WDR49: variants seen among roughly 807,000 people sequenced by gnomAD.
WDR49 encodes WD repeat domain 49, also known as cilia- and flagella-associated protein 337.
In WDR49, 107 loss-of-function variants were observed where a neutral mutation model predicts 119.5. That is an observed-to-expected ratio of 0.90 (90% CI 0.77 to 1.05). WDR49 has a LOEUF of 1.05. WDR49 is among the 50% of genes least tolerant of loss of function. The probability of loss-of-function intolerance (pLI) is 0.00; values close to 1 mark genes in which losing one functional copy is unlikely to be tolerated. For missense variants in WDR49, 1,240 were observed against 1,220.5 expected, an observed-to-expected ratio of 1.02 and a Z score of -0.24; for synonymous variants, 425 against 418.8, an observed-to-expected ratio of 1.01 and a Z score of -0.18.
intron 16 of WDR49, among the ~76,000 whole-genome samples, chr3:167,513,851 A>G (rs547486105): frequency 6.6e-6 from 1 of 152,334 alleles, no homozygotes; most frequent in Admixed American, 6.5e-5. Flanking sequence ...ACAAAGATCA[A>G]AAAAGACAAA....
intron 7 of WDR49, among the ~76,000 whole-genome samples, chr3:167,600,411 G>C (rs1715705563): frequency 1.3e-5 from 2 of 152,184 alleles, no homozygotes; most frequent in Admixed American, 1.3e-4. Context: ...ATTGGAGACT[G>C]TATTTCCTAC....
intron 15 of WDR49, among the ~76,000 whole-genome samples, chr3:167,523,667 T>A (rs1187214703): frequency 2.0e-5 from 3 of 152,114 alleles, no homozygotes; most frequent in Admixed American, 6.6e-5. Flanking sequence ...TGTTCCTGTG[T>A]TAGTTTGCTG....
intron 16 of WDR49, among the ~76,000 whole-genome samples, chr3:167,511,251 A>G (rs548561581): frequency 1.3e-5 from 2 of 152,202 alleles, no homozygotes; most frequent in South Asian, 4.2e-4. Context: ...TTTCTATACT[A>G]TCTCATTATT....
intron 3 of WDR49, among the ~76,000 whole-genome samples, chr3:167,623,109 C>G (rs1299102023): frequency 6.6e-6 from 1 of 152,000 alleles, no homozygotes; most frequent in Non-Finnish European, 1.5e-5. Context: ...CCAAACGTTT[C>G]AAGGAAAATC....
At chr3:167,558,125 C>G (rs1205889722) in intron 9 of WDR49, among the ~76,000 whole-genome samples, 2 of 152,062 alleles carry the variant, frequency 1.3e-5, no homozygotes, top group Admixed American at 6.6e-5. Flanking sequence ...CGAAAATAAA[C>G]AAACAAATGG....
At chr3:167,645,324 C>A (rs1003213657) in intron 2 of WDR49, among the ~76,000 whole-genome samples, 1 of 152,096 alleles carries the variant, frequency 6.6e-6, no homozygotes, top group Non-Finnish European at 1.5e-5. Context: ...AATTCTCCCC[C>A]CTCAGCCTCC....
At chr3:167,519,495 G>A (rs1752347074) in intron 16 of WDR49, among the ~76,000 whole-genome samples, 1 of 152,136 alleles carries the variant, frequency 6.6e-6, no homozygotes, top group Non-Finnish European at 1.5e-5. Flanking sequence ...GGACATGGAT[G>A]GAGCTGGAAG....
At chr3:167,502,859 C>A (rs1751628243) in intron 17 of WDR49, among the ~76,000 whole-genome samples, 1 of 152,030 alleles carries the variant, frequency 6.6e-6, no homozygotes, top group African/African-American at 2.4e-5. Flanking sequence ...AAATTTGCAG[C>A]CCAGTCATGT....
chr3:167,586,529 C>G (rs964415915), intron 7 of WDR49, among the ~76,000 whole-genome samples: 1 of 152,168 alleles, frequency 6.6e-6, no homozygotes, highest in African/African-American at 2.4e-5. Context: ...TCTTCTAATT[C>G]AGCAATTCAT....
At chr3:167,505,957 A>C (rs2108214783) in intron 16 of WDR49, among the ~76,000 whole-genome samples, 1 of 152,356 alleles carries the variant, frequency 6.6e-6, no homozygotes, top group South Asian at 2.1e-4. Context: ...AAATCATTAC[A>C]TAGCTGTATA....
At chr3:167,633,119 G>T (rs1717448678) in intron 2 of WDR49, among the ~76,000 whole-genome samples, 1 of 150,494 alleles carries the variant, frequency 6.6e-6, no homozygotes, top group Non-Finnish European at 1.5e-5. Flanking sequence ...GTGTGTGTGT[G>T]TAAGGTTTTG....
intron 2 of WDR49, among the ~76,000 whole-genome samples, chr3:167,645,652 C>T (rs572450315): frequency 6.6e-6 from 1 of 152,198 alleles, no homozygotes; most frequent in South Asian, 2.1e-4. Flanking sequence ...TGCTTTATTT[C>T]TTGTACCAAC....
intron 15 of WDR49, among the ~76,000 whole-genome samples, chr3:167,527,007 A>G (rs958703172): frequency 3.9e-5 from 6 of 152,206 alleles, no homozygotes; most frequent in African/African-American, 1.4e-4. Context: ...AAAGTTCCCA[A>G]GAAAGCAAAA....
intron 2 of WDR49, among the ~76,000 whole-genome samples, chr3:167,636,211 G>C (rs1315408956): frequency 6.6e-6 from 1 of 151,446 alleles, no homozygotes; most frequent in Non-Finnish European, 1.5e-5. Context: ...TGAGAAATAC[G>C]ATGTTTGGTT....
intron 17 of WDR49, among the ~76,000 whole-genome samples, chr3:167,505,003 A>T (rs1751712026): frequency 6.6e-6 from 1 of 152,184 alleles, no homozygotes; most frequent in South Asian, 2.1e-4. Context: ...ACTGTGAGCC[A>T]ATTAAACCTT....
At chr3:167,580,910 A>G (rs1371803589) in intron 7 of WDR49, among the ~76,000 whole-genome samples, 1 of 152,082 alleles carries the variant, frequency 6.6e-6, no homozygotes, top group Non-Finnish European at 1.5e-5. Context: ...AGATTCACAA[A>G]CTTTTAAGCT....
At chr3:167,646,318 G>C (rs1165351156) in intron 2 of WDR49, among the ~76,000 whole-genome samples, 1 of 152,148 alleles carries the variant, frequency 6.6e-6, no homozygotes, top group Admixed American at 6.5e-5. Context: ...TCTTAGACTA[G>C]AGTGAAGAGA....
chr3:167,654,504 AC>A (rs1275324540), upstream of WDR49, among the ~76,000 whole-genome samples: 2 of 152,226 alleles, frequency 1.3e-5, no homozygotes, highest in Non-Finnish European at 2.9e-5. Flanking sequence ...TTGAGTATTA[AC>A]CATGTGCCAG....
intron 2 of WDR49, among the ~76,000 whole-genome samples, chr3:167,643,288 C>G (rs1350457922): frequency 1.3e-5 from 2 of 152,162 alleles, no homozygotes; most frequent in Non-Finnish European, 2.9e-5. Context: ...CGATGCCTTA[C>G]AAGAGGTGGA....
Sources: allele counts gnomAD v4.1 joint callset (sites outside exome capture counted in the v4.1 genomes callset), GRCh38; gene constraint gnomAD v4.1.1; transcripts MANE v1.5; gene names NCBI Gene and HGNC (gene_info 2026-07-23, HGNC 2026-07-21).